RFFL: variants seen among roughly 807,000 people sequenced by gnomAD.
RFFL encodes the protein E3 ubiquitin-protein ligase rififylin.
A neutral mutation model predicts 40.4 loss-of-function variants in RFFL; 16 were observed. That is an observed-to-expected ratio of 0.40 (90% confidence interval 0.27 to 0.60). RFFL has a LOEUF of 0.60. RFFL is among the 20% of genes least tolerant of loss of function. RFFL has a pLI of 0.47. For missense variants in RFFL, 367 were observed against 451.7 expected (o/e 0.81, Z 1.70); for synonymous variants, 154 against 167.9 (o/e 0.92, Z 0.64).
chr17:35,048,632 T>C (rs1382245893), intron 1 of RFFL, among the ~76,000 whole-genome samples: 7 of 152,120 alleles, frequency 4.6e-5, no homozygotes, highest in Admixed American at 4.6e-4. Flanking sequence ...ACCCCATTGC[T>C]AATGAGTTTG....
Position 35,012,007 on chromosome 17 carries a change from C to T in RFFL, c.1053G>A (p.Arg351=), listed in dbSNP as rs778636515. The T allele has an allele frequency of 5.3e-5, 86 of 1,614,006 alleles. No homozygotes were observed. The Middle Eastern group carries it at 4.8e-3, about 89-fold the overall frequency. ...CATGCACAGCTCGGATTACATACTG[C>T]CGGCAGATGGGACATTCATTCATGC... ...GKRMNECPIC[R]QYVIRAVHVF... Residue 351 remains arginine, a synonymous_variant, in exon 7 of 7, where the codon CGG becomes CGA. Transcript: ENST00000394597.
intron 1 of RFFL, among the ~76,000 whole-genome samples, chr17:35,056,719 T>C (rs1206666964): frequency 6.6e-6 from 1 of 152,032 alleles, no homozygotes; most frequent in African/African-American, 2.4e-5. Flanking sequence ...TCCCGTTCTA[T>C]GTCCACTGCC....
At chr17:35,031,654 G>A (rs2091083754) in intron 1 of RFFL, among the ~76,000 whole-genome samples, 4 of 151,966 alleles carry the variant, frequency 2.6e-5, no homozygotes, top group African/African-American at 7.3e-5. Context: ...CAGCTCTACA[G>A]GGGAAGAGGG....
chr17:35,016,065 T>C (rs1402976240), intron 5 of RFFL, among the ~76,000 whole-genome samples: 1 of 152,176 alleles, frequency 6.6e-6, no homozygotes, highest in Non-Finnish European at 1.5e-5. Flanking sequence ...GGATAGCATA[T>C]GGTGAGAAAG....
At chr17:35,014,429 C>T (rs1340643666) in intron 6 of RFFL, among the ~76,000 whole-genome samples, 1 of 152,176 alleles carries the variant, frequency 6.6e-6, no homozygotes, top group African/African-American at 2.4e-5. Context: ...AAAAAATGAG[C>T]TGAGTGTGAT....
chr17:35,060,956 G>A (rs1269688496), intron 1 of RFFL, among the ~76,000 whole-genome samples: 1 of 152,190 alleles, frequency 6.6e-6, no homozygotes, highest in Non-Finnish European at 1.5e-5. Flanking sequence ...CCTGAGGGAT[G>A]AGTATCTTGC....
At chr17:35,033,017 T>C (rs16970566) in intron 1 of RFFL, among the ~76,000 whole-genome samples, 3,867 of 152,138 alleles carry the variant, frequency 0.025, 213 homozygotes, top group African/African-American at 0.088. Flanking sequence ...ATGAGAAGTA[T>C]GAATTCACAC....
At chr17:35,016,953 C>G (rs930287870) in intron 4 of RFFL, among the ~76,000 whole-genome samples, 1 of 152,078 alleles carries the variant, frequency 6.6e-6, no homozygotes, top group African/African-American at 2.4e-5. Flanking sequence ...CCCGTTTGCC[C>G]CTCCATTAAG....
At chr17:35,048,386 A>C (rs1401129319) in intron 1 of RFFL, among the ~76,000 whole-genome samples, 1 of 152,094 alleles carries the variant, frequency 6.6e-6, no homozygotes, top group Non-Finnish European at 1.5e-5. Flanking sequence ...TGGGCGACAG[A>C]GCGAGACTCC....
In RFFL at chr17:35,010,003, G is replaced by A. The variant is rs2090925876; in HGVS notation, c.*1965C>T. 6.5e-6 allele frequency: 1 copy of A among 152,674 alleles called. No homozygotes were observed. Among genetic ancestry groups the A allele is most frequent in the Non-Finnish European group, 1.5e-5 (1 of 68,036 alleles). 9.5% of individuals were successfully genotyped at this position (152,674 alleles called of 1,614,324 possible). A position where few individuals can be genotyped will look rare whatever the true frequency, so the allele number is the denominator to read the frequency against. On this transcript the variant is annotated 3_prime_UTR_variant, in exon 7 of 7. Coordinates refer to ENST00000394597, the MANE Select transcript of RFFL (RefSeq NM_001017368.2). ...AGCAAATCTGATTCCCCCAACTCCT[G>A]CAAAGGCTGTGGTTCAGAATCAAAT...
chr17:35,049,788 T>C (rs146693474), intron 1 of RFFL, among the ~76,000 whole-genome samples: 4 of 152,166 alleles, frequency 2.6e-5, no homozygotes, highest in Non-Finnish European at 4.4e-5. Flanking sequence ...CAGACTGTTA[T>C]TTAAAAGAAT....
chr17:35,011,379 T>C lies in RFFL; in HGVS notation c.*589A>G, dbSNP rs1210179539. On this transcript the variant is annotated 3_prime_UTR_variant, in exon 7 of 7. Transcript: ENST00000394597. ...TTCTATAGCATTTGTATTTCATTTCTCACCAAAGATAAGTTTACTGGTCTA... is the reference window on the plus strand; with the variant it reads ...TTCTATAGCATTTGTATTTCATTTCCCACCAAAGATAAGTTTACTGGTCTA... 1 of 152,274 alleles carries C rather than the reference T, an allele frequency of 6.6e-6. No individual in the cohort carries two copies. The highest frequency in any genetic ancestry group is 1.5e-5 in the Non-Finnish European group (1 of 68,052). 9.4% of individuals were successfully genotyped at this position (152,274 alleles called of 1,614,324 possible). A position where few individuals can be genotyped will look rare whatever the true frequency, so the allele number is the denominator to read the frequency against.
chr17:35,017,331 ACTC>A (rs1370404649), intron 4 of RFFL, among the ~76,000 whole-genome samples, 189 bp downstream of exon 4: 1 of 152,092 alleles, frequency 6.6e-6, no homozygotes, highest in Non-Finnish European at 1.5e-5. Context: ...TGACCTCACA[ACTC>A]CTTATAAATA....
At chr17:35,080,213 T>C (rs1256537704) in intron 1 of RFFL, among the ~76,000 whole-genome samples, 1 of 152,100 alleles carries the variant, frequency 6.6e-6, no homozygotes, top group Non-Finnish European at 1.5e-5. Flanking sequence ...TAATAATTAG[T>C]ATAGTTAAGA....
intron 1 of RFFL, among the ~76,000 whole-genome samples, chr17:35,047,533 T>TTTGTTG (rs375094246): frequency 3.9e-5 from 6 of 152,192 alleles, no homozygotes; most frequent in Admixed American, 1.3e-4. Flanking sequence ...TAAGGTTGTT[T>TTTGTTG]TTGTTGTTGT....
At chr17:35,062,718 G>A (rs945856413) in intron 1 of RFFL, among the ~76,000 whole-genome samples, 2 of 152,170 alleles carry the variant, frequency 1.3e-5, no homozygotes, top group Non-Finnish European at 2.9e-5. Flanking sequence ...GAAAGAGAAC[G>A]TGGGCAATTT....
chr17:35,036,157 C>T (rs760113678), intron 1 of RFFL, among the ~76,000 whole-genome samples: 7 of 152,170 alleles, frequency 4.6e-5, no homozygotes, highest in Non-Finnish European at 1.0e-4. Flanking sequence ...ACTAACAACG[C>T]TATATAAGCT....
intron 1 of RFFL, among the ~76,000 whole-genome samples, chr17:35,085,621 G>A (rs992685143): frequency 4.6e-5 from 7 of 152,092 alleles, no homozygotes; most frequent in African/African-American, 1.7e-4. Flanking sequence ...TAGAAACAGG[G>A]TTTCACCATA....
chr17:35,074,932 T>C (rs778562030), intron 1 of RFFL, among the ~76,000 whole-genome samples: 20 of 152,312 alleles, frequency 1.3e-4, no homozygotes, highest in Middle Eastern at 3.4e-3. Flanking sequence ...CTGCTGAACA[T>C]GCCCAATGCT....
Sources: gnomAD v4.1 joint callset for allele counts (sites outside exome capture counted in the v4.1 genomes callset) on GRCh38, gnomAD v4.1.1 for gene constraint, MANE v1.5 for transcripts, NCBI Gene and HGNC (gene_info 2026-07-23, HGNC 2026-07-21) for gene names.